Variants in ZNF486 observed in about 807,000 individuals in gnomAD.
ZNF486 encodes the protein zinc finger protein 486, also known as KRAB box only protein 2.
ZNF486 carries 12 observed loss-of-function variants against 12.8 expected under a neutral mutation model. That is an observed-to-expected ratio of 0.94 (90% CI 0.60 to 1.52). ZNF486 has a LOEUF of 1.52. ZNF486 is among the 40% of genes most tolerant of loss of function. The pLI is 0.00. For missense variants in ZNF486, 738 were observed against 545.0 expected (o/e 1.35, Z -3.53); for synonymous variants, 231 against 184.9 (o/e 1.25, Z -2.02).
At chr19:20,183,869 T>C (rs2089813168) in intron 1 of ZNF486, among the ~76,000 whole-genome samples, 2 of 152,168 alleles carry the variant, frequency 1.3e-5, no homozygotes, top group Admixed American at 1.3e-4. Flanking sequence ...ATATCATTTT[T>C]GGGACAAAAA....
chr19:20,168,971 G>C (rs1295734942), intron 1 of ZNF486, among the ~76,000 whole-genome samples: 1 of 151,916 alleles, frequency 6.6e-6, no homozygotes, highest in African/African-American at 2.4e-5. Flanking sequence ...CTCCCAAGTA[G>C]CTGGGACTAC....
At chr19:20,195,293 C>G (rs1220245847) in intron 3 of ZNF486, among the ~76,000 whole-genome samples, 1 of 152,196 alleles carries the variant, frequency 6.6e-6, no homozygotes, top group African/African-American at 2.4e-5. Flanking sequence ...GTCAGCCTTA[C>G]AAGTAGCTGG....
chr19:20,176,289 G>C (rs1037069297), intron 1 of ZNF486: 38 of 180,526 alleles, frequency 2.1e-4, no homozygotes, highest in East Asian at 3.7e-4. Context: ...AGAGGTGCTC[G>C]TCACTTCCTA....
chr19:20,177,936 T>TC (rs1450519395), intron 1 of ZNF486, among the ~76,000 whole-genome samples: 1 of 136,628 alleles, frequency 7.3e-6, no homozygotes, highest in East Asian at 1.9e-4. Flanking sequence ...ACATTTGTTC[T>TC]TTTTTTTTGA....
intron 3 of ZNF486, among the ~76,000 whole-genome samples, chr19:20,191,613 T>C (rs1230122841): frequency 2.1e-5 from 3 of 146,212 alleles, no homozygotes; most frequent in African/African-American, 7.6e-5. Context: ...ATTAAAAATA[T>C]AAAAAAATTA....
At chr19:20,169,877 T>C (rs1393056468) in intron 1 of ZNF486, among the ~76,000 whole-genome samples, 2 of 145,984 alleles carry the variant, frequency 1.4e-5, no homozygotes, top group Non-Finnish European at 3.0e-5. Flanking sequence ...GGACATAAGA[T>C]GGGGTTGTAT....
At chr19:20,191,736 C>G (rs747654723) in intron 3 of ZNF486, among the ~76,000 whole-genome samples, 23 of 152,216 alleles carry the variant, frequency 1.5e-4, no homozygotes, top group Non-Finnish European at 2.9e-4. Context: ...CGCCACTGTA[C>G]TCCAGCCTGG....
chr19:20,167,454 A>T, intron 1 of ZNF486, 94 bp downstream of exon 1: 1 of 1,434,726 alleles, frequency 7.0e-7, no homozygotes, highest in Non-Finnish European at 9.6e-7. Context: ...AGTCAGCTCC[A>T]CAATCTGCGT....
intron 1 of ZNF486, among the ~76,000 whole-genome samples, chr19:20,170,913 C>T (rs2089641393): frequency 6.6e-6 from 1 of 152,062 alleles, no homozygotes; most frequent in African/African-American, 2.4e-5. Context: ...TTGTTCAGTT[C>T]TGTGAATAGC....
chr19:20,180,180 A>G (rs1316127017), intron 1 of ZNF486, among the ~76,000 whole-genome samples: 1 of 152,186 alleles, frequency 6.6e-6, no homozygotes, highest in Non-Finnish European at 1.5e-5. Flanking sequence ...AGAGTGGTTA[A>G]TTCTGCTTCT....
At position 20,185,914 on chromosome 19, in the gene ZNF486, C is replaced by T. The variant is rs891142934; in HGVS notation, c.158-73C>T. 1.4e-5 allele frequency: 12 copies of T among 876,568 alleles called. No individual in the cohort carries two copies. The African/African-American group carries it at 2.1e-4, about 15-fold the overall frequency. 54.3% of individuals were successfully genotyped at this position (876,568 alleles called of 1,614,324 possible). On this transcript the variant is annotated intron_variant, in intron 2 of 3. Transcript: ENST00000335117. ...ACTAGAATATTTTATTACATTCTTT[C>T]TGCTGAGCACATTACTAGCTTGTAA...
chr19:20,190,869 CA>C (rs571359779), intron 3 of ZNF486, among the ~76,000 whole-genome samples: 37 of 152,246 alleles, frequency 2.4e-4, no homozygotes, highest in African/African-American at 7.7e-4. Flanking sequence ...AATAAATCTT[CA>C]ATGTTGGATG....
intron 1 of ZNF486, among the ~76,000 whole-genome samples, chr19:20,181,662 A>C (rs538854463): frequency 2.0e-5 from 3 of 152,196 alleles, no homozygotes; most frequent in African/African-American, 7.2e-5. Flanking sequence ...ATTCTTGCAG[A>C]TCCAGTAGTT....
Position 20,198,193 on chromosome 19 carries a change from C to A in ZNF486, c.*91C>A, listed in dbSNP as rs181479393. 9.1e-7 allele frequency: 1 copy of A among 1,099,306 alleles called. No individual in the cohort carries two copies. Among genetic ancestry groups the A allele is most frequent in the Non-Finnish European group, 1.3e-6 (1 of 776,562 alleles). 68.1% of individuals were successfully genotyped at this position (1,099,306 alleles called of 1,614,324 possible). On this transcript the variant is annotated 3_prime_UTR_variant, in exon 4 of 4. Coordinates refer to ENST00000335117, the MANE Select transcript of ZNF486 (RefSeq NM_052852.4). ...GTGCAATGGCATAATTTTGGCTCAC[C>A]ACAACCTCCACCTTCTGGGTTCAAG...
Position 20,186,056 on chromosome 19 carries a change from G to A in ZNF486, c.227G>A (p.Arg76Lys), listed in dbSNP as rs1555716381. The A allele has an allele frequency of 5.0e-6, 8 of 1,593,810 alleles. No individual in the cohort carries two copies. In the Admixed American group the frequency reaches 1.4e-4, roughly 28 times the overall value. Residue 76 changes from arginine to lysine, a missense_variant, in exon 3 of 4, where the codon AGA becomes AAA. Physicochemically the swap from Arg to Lys is conservative, Grantham distance 26. Coordinates refer to ENST00000335117, the MANE Select transcript of ZNF486 (RefSeq NM_052852.4). ...EQGIKPLTMK[R>K]HEMIAKPPVV... ...GGAATAAAACCTCTGACTATGAAGAGACATGAGATGATTGCCAAACCCCCA... is the reference window on the plus strand; with the variant it reads ...GGAATAAAACCTCTGACTATGAAGAAACATGAGATGATTGCCAAACCCCCA...
At chr19:20,191,524 T>C (rs1409219666) in intron 3 of ZNF486, among the ~76,000 whole-genome samples, 1 of 138,920 alleles carries the variant, frequency 7.2e-6, no homozygotes, top group Non-Finnish European at 1.6e-5. Context: ...AATCCCAGCA[T>C]TTTGGGAGGC....
chr19:20,190,107 A>G (rs2089888273), intron 3 of ZNF486, among the ~76,000 whole-genome samples: 1 of 152,170 alleles, frequency 6.6e-6, no homozygotes, highest in Non-Finnish European at 1.5e-5. Flanking sequence ...CCATTTGATC[A>G]TATATAGAAG....
chr19:20,196,040 A>T (rs931123796), intron 3 of ZNF486, among the ~76,000 whole-genome samples: 1 of 152,212 alleles, frequency 6.6e-6, no homozygotes, highest in Non-Finnish European at 1.5e-5. Flanking sequence ...TATGTGTGAG[A>T]CAGAGTCTCA....
intron 2 of ZNF486, among the ~76,000 whole-genome samples, chr19:20,185,058 C>G (rs545438874): frequency 6.6e-6 from 1 of 152,050 alleles, no homozygotes; most frequent in East Asian, 1.9e-4. Context: ...TTTTGGTGAG[C>G]CGAGACTGAG....
Sources: gnomAD v4.1 joint callset for allele counts (sites outside exome capture counted in the v4.1 genomes callset) on GRCh38, gnomAD v4.1.1 for gene constraint, MANE v1.5 for transcripts, NCBI Gene and HGNC (gene_info 2026-07-23, HGNC 2026-07-21) for gene names.